PTPRO: variants seen among roughly 807,000 people sequenced by gnomAD.
PTPRO encodes the protein protein tyrosine phosphatase receptor type O, also known as receptor-type tyrosine-protein phosphatase O.
PTPRO carries 62 observed loss-of-function variants against 145.2 expected under a neutral mutation model. That is an observed-to-expected ratio of 0.43 (90% confidence interval 0.35 to 0.53). The LOEUF (loss-of-function observed/expected upper bound fraction) is 0.53, where lower values mean the gene tolerates loss of function less well. PTPRO is among the 20% of genes least tolerant of loss of function. The probability of loss-of-function intolerance (pLI) is 0.01; values close to 1 mark genes in which losing one functional copy is unlikely to be tolerated. For synonymous variants in PTPRO, 565 were observed against 514.7 expected (o/e 1.10, Z -1.32); for missense variants, 1,345 against 1,482.7 (o/e 0.91, Z 1.53).
intron 1 of PTPRO, among the ~76,000 whole-genome samples, chr12:15,421,984 G>T (rs777776242): frequency 1.4e-4 from 21 of 151,540 alleles, no homozygotes; most frequent in Non-Finnish European, 1.5e-5. Context: ...TTATTATCTA[G>T]TTATAAGAGA....
chr12:15,480,153 A>G (rs535413177), intron 1 of PTPRO, among the ~76,000 whole-genome samples: 7 of 152,194 alleles, frequency 4.6e-5, no homozygotes, highest in South Asian at 2.1e-4. Flanking sequence ...TGTTGTTTCT[A>G]TTTCTCTGGT....
intron 1 of PTPRO, among the ~76,000 whole-genome samples, chr12:15,444,288 A>T (rs1940845854): frequency 6.6e-6 from 1 of 152,018 alleles, no homozygotes; most frequent in African/African-American, 2.4e-5. Context: ...AACATCCAGT[A>T]CTCACGGACA....
At chr12:15,448,063 A>C (rs955504184) in intron 1 of PTPRO, among the ~76,000 whole-genome samples, 4 of 152,132 alleles carry the variant, frequency 2.6e-5, no homozygotes, top group Non-Finnish European at 5.9e-5. Flanking sequence ...CTGTAATAAT[A>C]GAGTAATACA....
intron 1 of PTPRO, among the ~76,000 whole-genome samples, chr12:15,362,516 G>A (rs1438094181): frequency 6.6e-5 from 10 of 152,170 alleles, no homozygotes; most frequent in Middle Eastern, 3.4e-3. Context: ...GAATATGTCA[G>A]GTCTTTATAG....
chr12:15,417,274 G>T (rs1409326815), intron 1 of PTPRO, among the ~76,000 whole-genome samples: 1 of 151,676 alleles, frequency 6.6e-6, no homozygotes, highest in African/African-American at 2.4e-5. Flanking sequence ...CCATCATAAA[G>T]TCACAAAAGC....
Position 15,593,312 on chromosome 12 carries a change from T to G in PTPRO, c.3547-1625T>G, listed in dbSNP as rs1020863804. On this transcript the variant is annotated intron_variant, in intron 25 of 26. Transcript: ENST00000281171. ...ACACAGGAAGCTTCTTAAAATCCTA[T>G]GAATATTTTGACCGGATCTCATTTA... is the stretch of plus-strand genomic sequence containing the variant. 2.0e-5 allele frequency among the ~76,000 whole-genome samples: 3 copies of G among 152,376 alleles called. No individual in the cohort carries two copies. In the East Asian group the frequency reaches 5.8e-4, roughly 29 times the overall value.
At chr12:15,516,283 A>G (rs1019174702) in intron 8 of PTPRO, among the ~76,000 whole-genome samples, 17 of 148,142 alleles carry the variant, frequency 1.1e-4, no homozygotes, top group African/African-American at 3.7e-4. Flanking sequence ...CACCACACCC[A>G]GCCAAGCCCA....
chr12:15,456,192 T>G (rs1219071537), intron 1 of PTPRO, among the ~76,000 whole-genome samples: 2 of 152,234 alleles, frequency 1.3e-5, no homozygotes, highest in Non-Finnish European at 2.9e-5. Context: ...GGTATTGAAT[T>G]TTATCAAATT....
At position 15,424,272 on chromosome 12, in the gene PTPRO, C is replaced by T. The variant is rs182529911; in HGVS notation, c.76-59702C>T. Among the ~76,000 whole-genome samples the T allele has an allele frequency of 4.9e-3, 746 of 152,090 alleles. 8 individuals carry two copies. Among genetic ancestry groups the T allele is most frequent in the African/African-American group, 0.017 (724 of 41,476 alleles). On this transcript the variant is annotated intron_variant, in intron 1 of 26. Transcript: ENST00000281171. ...CAAGTTTTTTGAAGAGGCTTTTCCA[C>T]TGGAGTAAAAAGATGGAAATTTTTA...
chr12:15,485,282 G>A (rs1437873887), intron 2 of PTPRO, among the ~76,000 whole-genome samples: 2 of 152,076 alleles, frequency 1.3e-5, no homozygotes, highest in African/African-American at 4.8e-5. Context: ...GAATGGCATA[G>A]ACCCAAGACC....
intron 15 of PTPRO, among the ~76,000 whole-genome samples, chr12:15,554,681 G>A (rs1011375415): frequency 1.4e-4 from 21 of 152,024 alleles, no homozygotes; most frequent in Non-Finnish European, 2.9e-5. Context: ...TATATTCACT[G>A]GCAGCTGGTT....
chr12:15,496,142 G>GTTTTTTTTTTTTT (rs71042255), intron 2 of PTPRO, among the ~76,000 whole-genome samples: 4 of 75,364 alleles, frequency 5.3e-5, no homozygotes, highest in African/African-American at 5.2e-5. Flanking sequence ...TTCTTTTTTT[G>GTTTTTTTTTTTTT]TTTTTTTTTT....
intron 1 of PTPRO, among the ~76,000 whole-genome samples, chr12:15,479,835 TCTC>T (rs1177739615): frequency 3.9e-5 from 6 of 152,128 alleles, no homozygotes; most frequent in Admixed American, 6.5e-5. Flanking sequence ...CCTGCACTGT[TCTC>T]CTCTTCAGAT....
rs1378531794 is a variant in PTPRO, at chr12:15,390,467, C to A, written c.75+67666C>A. ...AGTCCCCTTTATAAAACCATCAGATCTCATGAGGCTTATTCACTATCACGA... is the reference window on the plus strand; with the variant it reads ...AGTCCCCTTTATAAAACCATCAGATATCATGAGGCTTATTCACTATCACGA... On this transcript the variant is annotated intron_variant, in intron 1 of 26. Transcript: ENST00000281171. 2.6e-5 allele frequency among the ~76,000 whole-genome samples: 4 copies of A among 152,082 alleles called. No individual in the cohort carries two copies. The East Asian group carries it at 5.8e-4, about 22-fold the overall frequency.
intron 1 of PTPRO, among the ~76,000 whole-genome samples, chr12:15,413,557 G>A (rs187772644): frequency 1.5e-4 from 23 of 152,296 alleles, no homozygotes; most frequent in Admixed American, 1.3e-3. Flanking sequence ...GCTCACTCCT[G>A]TAATCCCAGC....
intron 7 of PTPRO, 98 bp downstream of exon 7, chr12:15,508,865 T>A (rs1001034642): frequency 1.6e-6 from 2 of 1,219,324 alleles, no homozygotes; most frequent in African/African-American, 3.0e-5. Context: ...CAGGCTGAGG[T>A]CTGCTGGGAT....
At chr12:15,489,429 G>A (rs918409155) in intron 2 of PTPRO, among the ~76,000 whole-genome samples, 1 of 152,138 alleles carries the variant, frequency 6.6e-6, no homozygotes, top group Non-Finnish European at 1.5e-5. Flanking sequence ...CTTAACAAGG[G>A]GGTGGATTAT....
chr12:15,567,163 C>A (rs75428410), intron 18 of PTPRO, among the ~76,000 whole-genome samples: 3 of 152,032 alleles, frequency 2.0e-5, no homozygotes, highest in African/African-American at 7.2e-5. Flanking sequence ...CAAAAAAAAA[C>A]TCACATCAAT....
At chr12:15,545,410 G>A (rs1943262861) in intron 12 of PTPRO, among the ~76,000 whole-genome samples, 2 of 151,258 alleles carry the variant, frequency 1.3e-5, no homozygotes, top group Non-Finnish European at 2.9e-5. Context: ...TTAAAACCTT[G>A]AGTTCAGGCA....
Sources: gnomAD v4.1 joint callset for allele counts (sites outside exome capture counted in the v4.1 genomes callset) on GRCh38, gnomAD v4.1.1 for gene constraint, MANE v1.5 for transcripts, NCBI Gene and HGNC (gene_info 2026-07-23, HGNC 2026-07-21) for gene names.